MEIS1: variants seen among roughly 807,000 people sequenced by gnomAD.
MEIS1 encodes Meis homeobox 1.
A neutral mutation model predicts 50.8 loss-of-function variants in MEIS1; 5 were observed. The ratio of observed to expected loss-of-function variants is 0.10; its 90% confidence interval spans 0.05 to 0.21. The LOEUF is 0.21. Ranked by LOEUF, MEIS1 falls within the 10% of genes least tolerant of loss-of-function variation. The probability of loss-of-function intolerance (pLI) is 1.00; values close to 1 mark genes in which losing one functional copy is unlikely to be tolerated. For missense variants in MEIS1, 318 were observed against 517.3 expected (o/e 0.61, Z 3.74); for synonymous variants, 176 against 179.3 (o/e 0.98, Z 0.15).
chr2:66,456,105 A>G (rs1672380921), intron 6 of MEIS1, among the ~76,000 whole-genome samples: 1 of 152,292 alleles, frequency 6.6e-6, no homozygotes, highest in Non-Finnish European at 1.5e-5. Context: ...AGAGGATTCA[A>G]TGTTTGAAAA....
intron 8 of MEIS1, among the ~76,000 whole-genome samples, chr2:66,527,642 TG>T (rs1337687867): frequency 2.5e-5 from 2 of 80,054 alleles, no homozygotes; most frequent in Non-Finnish European, 2.6e-5. Context: ...GTGTGTGTGT[TG>T]GGGGGGAGAC....
At chr2:66,540,166 G>C (rs922328368) in intron 8 of MEIS1, among the ~76,000 whole-genome samples, 1 of 152,142 alleles carries the variant, frequency 6.6e-6, no homozygotes, top group Non-Finnish European at 1.5e-5. Context: ...TTCACCAAGA[G>C]TACATGAAAT....
intron 6 of MEIS1, among the ~76,000 whole-genome samples, chr2:66,458,933 T>C (rs1045766135): frequency 5.3e-5 from 8 of 152,282 alleles, no homozygotes; most frequent in South Asian, 4.1e-4. Flanking sequence ...GTATCTAATA[T>C]AATATCAACA....
chr2:66,562,072 C>CTTTTTTTTTTTTTTTTTTTTTTTTTTT (rs749406692), intron 9 of MEIS1: 62 of 62,074 alleles, frequency 1.0e-3, no homozygotes, highest in East Asian at 3.0e-3. Flanking sequence ...TTTTTTTTTA[C>CTTTTTTTTTTTTTTTTTTTTTTTTTTT]TTTTATCAGT....
intron 8 of MEIS1, among the ~76,000 whole-genome samples, chr2:66,533,678 G>A (rs1430631745): frequency 3.3e-5 from 5 of 152,024 alleles, no homozygotes; most frequent in Admixed American, 3.3e-4. Context: ...CGTAATTTGT[G>A]GAGAATGTGT....
At chr2:66,440,667 C>T (rs989951811) in intron 4 of MEIS1, 55 bp downstream of exon 4, 34 of 1,189,128 alleles carry the variant, frequency 2.9e-5, no homozygotes, top group Non-Finnish European at 3.9e-5. Context: ...CCTCCCACCT[C>T]CAACGCCCTC....
intron 7 of MEIS1, among the ~76,000 whole-genome samples, chr2:66,497,693 G>C (rs901996780): frequency 6.6e-6 from 1 of 152,130 alleles, no homozygotes. Flanking sequence ...TTAGGACTTC[G>C]AGAGCAGCCC....
rs186694502 is a variant in MEIS1, at chr2:66,498,265, G to T, written c.743-13884G>T. ...ATGCGCGAAACATTTTTATATAGCT[G>T]ATTTTATTTCATCTGCCCCACAACT... On this transcript the variant is annotated intron_variant, in intron 7 of 12. Coordinates refer to ENST00000272369, the MANE Select transcript of MEIS1 (RefSeq NM_002398.3). Among the ~76,000 whole-genome samples, 150 of 152,162 alleles carry T rather than the reference G, an allele frequency of 9.9e-4. No individual in the cohort carries two copies. In the Middle Eastern group the frequency reaches 0.017, roughly 17 times the overall value.
chr2:66,507,806 C>T (rs1365984176), intron 7 of MEIS1, among the ~76,000 whole-genome samples: 1 of 152,210 alleles, frequency 6.6e-6, no homozygotes, highest in Non-Finnish European at 1.5e-5. Context: ...ATAGCACAGT[C>T]TAAATGCCTG....
chr2:66,512,365 GAAAA>G, intron 8 of MEIS1, 71 bp downstream of exon 8: 2 of 1,470,642 alleles, frequency 1.4e-6, no homozygotes, highest in Non-Finnish European at 1.8e-6. Flanking sequence ...AAAAAAATGA[GAAAA>G]AAGTGATCCC....
chr2:66,480,075 G>T (rs1672981935), intron 7 of MEIS1, among the ~76,000 whole-genome samples: 1 of 152,116 alleles, frequency 6.6e-6, no homozygotes, highest in Non-Finnish European at 1.5e-5. Flanking sequence ...GTGATAAGAG[G>T]TAAGCAAATG....
intron 1 of MEIS1, chr2:66,437,361 T>G: frequency 4.5e-6 from 1 of 222,386 alleles, no homozygotes; most frequent in Admixed American, 5.4e-5. Flanking sequence ...CCTGGCACGT[T>G]TTATTATTGT....
chr2:66,495,203 A>G (rs1390950905), intron 7 of MEIS1, among the ~76,000 whole-genome samples: 2 of 147,974 alleles, frequency 1.4e-5, no homozygotes, highest in Non-Finnish European at 3.0e-5. Context: ...AACTAGTCAC[A>G]TTTCATACTT....
intron 7 of MEIS1, among the ~76,000 whole-genome samples, chr2:66,502,569 A>T (rs368203230): frequency 2.0e-5 from 3 of 152,354 alleles, no homozygotes; most frequent in African/African-American, 7.2e-5. Context: ...AGTCTGGCTT[A>T]TATCAACAAG....
intron 8 of MEIS1, among the ~76,000 whole-genome samples, chr2:66,534,139 G>A (rs1674462473): frequency 6.6e-6 from 1 of 151,216 alleles, no homozygotes; most frequent in East Asian, 1.9e-4. Context: ...AGGAAGCAAG[G>A]CTTGGAGATC....
chr2:66,500,066 AAAC>A (rs1386145621), intron 7 of MEIS1, among the ~76,000 whole-genome samples: 4 of 152,318 alleles, frequency 2.6e-5, no homozygotes, highest in African/African-American at 9.6e-5. Context: ...CTCAGCCTAC[AAAC>A]TATGAGGCCA....
At chr2:66,474,542 C>A (rs1672844442) in intron 7 of MEIS1, among the ~76,000 whole-genome samples, 1 of 151,906 alleles carries the variant, frequency 6.6e-6, no homozygotes, top group Non-Finnish European at 1.5e-5. Flanking sequence ...CTAACCCAAA[C>A]AGTAAATTTA....
intron 11 of MEIS1, 51 bp downstream of exon 11, chr2:66,568,807 A>G (rs1476843313): frequency 6.8e-7 from 1 of 1,476,526 alleles, no homozygotes; most frequent in South Asian, 1.1e-5. Flanking sequence ...CAAGAGTGTC[A>G]TCCCCTCATC....
At chr2:66,460,414 A>T (rs1333520878) in intron 6 of MEIS1, among the ~76,000 whole-genome samples, 1 of 152,208 alleles carries the variant, frequency 6.6e-6, no homozygotes, top group Non-Finnish European at 1.5e-5. Flanking sequence ...AAGTGTTCTT[A>T]AGAAACGATA....
Sources: allele counts gnomAD v4.1 joint callset (sites outside exome capture counted in the v4.1 genomes callset), GRCh38; gene constraint gnomAD v4.1.1; transcripts MANE v1.5; gene names NCBI Gene and HGNC (gene_info 2026-07-23, HGNC 2026-07-21).